Variants in ZNF609 observed in about 807,000 individuals in gnomAD.
ZNF609 encodes zinc finger protein 609.
In ZNF609, 11 loss-of-function variants were observed where a neutral mutation model predicts 109.5. The ratio of observed to expected loss-of-function variants is 0.10; its 90% CI spans 0.06 to 0.17. ZNF609 has a LOEUF of 0.17. Among genes scored for constraint, ZNF609 ranks in the 10% least tolerant of loss-of-function variants. The pLI is 1.00. For synonymous variants in ZNF609, 646 were observed against 662.0 expected (o/e 0.98, Z 0.37); for missense variants, 1,559 against 1,772.4 (o/e 0.88, Z 2.16).
chr15:64,507,031 T>C (rs1025011848), intron 2 of ZNF609, among the ~76,000 whole-genome samples: 6 of 152,084 alleles, frequency 3.9e-5, no homozygotes, highest in Admixed American at 3.3e-4. Context: ...ATAATTATAG[T>C]TGGAGGTGGG....
chr15:64,676,728 C>G (rs892298125), intron 5 of ZNF609, among the ~76,000 whole-genome samples: 13 of 151,736 alleles, frequency 8.6e-5, no homozygotes, highest in African/African-American at 3.1e-4. Context: ...GCCACTGCAC[C>G]CAGCCAATTT....
chr15:64,472,237 T>TA (rs1328558361), intron 1 of ZNF609, among the ~76,000 whole-genome samples: 1 of 152,116 alleles, frequency 6.6e-6, no homozygotes, highest in Non-Finnish European at 1.5e-5. Context: ...ATAGATGGTT[T>TA]AAAAAAAGTG....
intron 2 of ZNF609, among the ~76,000 whole-genome samples, chr15:64,573,912 G>C (rs1894904497): frequency 6.6e-6 from 1 of 152,158 alleles, no homozygotes. Flanking sequence ...TCAGGTCCTT[G>C]TGATTGAGTG....
At chr15:64,679,693 C>G (rs1239411007) in intron 6 of ZNF609, among the ~76,000 whole-genome samples, 1 of 152,232 alleles carries the variant, frequency 6.6e-6, no homozygotes. Context: ...GAGCCAGGCG[C>G]TGTCCTCTGA....
At chr15:64,539,432 CTCCTGACCGCG>C (rs2140379041) in intron 2 of ZNF609, among the ~76,000 whole-genome samples, 1 of 152,048 alleles carries the variant, frequency 6.6e-6, no homozygotes, top group Non-Finnish European at 1.5e-5. Flanking sequence ...TGGTCTCGAT[CTCCTGACCGCG>C]TGATCCACCC....
intron 2 of ZNF609, among the ~76,000 whole-genome samples, chr15:64,608,323 C>T (rs1895646454): frequency 6.6e-6 from 1 of 152,228 alleles, no homozygotes; most frequent in South Asian, 2.1e-4. Context: ...ATTTGTAATA[C>T]AGTACTCTCA....
At chr15:64,488,876 C>A (rs1893368693) in intron 1 of ZNF609, among the ~76,000 whole-genome samples, 1 of 149,760 alleles carries the variant, frequency 6.7e-6, no homozygotes, top group African/African-American at 2.5e-5. Flanking sequence ...AGTTTGAGAC[C>A]AGTCTGGGTG....
At chr15:64,615,907 T>G (rs1018794884) in intron 2 of ZNF609, among the ~76,000 whole-genome samples, 1 of 152,256 alleles carries the variant, frequency 6.6e-6, no homozygotes, top group Non-Finnish European at 1.5e-5. Context: ...TTAGAACTAC[T>G]GCTGTTATCA....
chr15:64,482,231 T>C (rs1893264721), intron 1 of ZNF609, among the ~76,000 whole-genome samples: 1 of 152,224 alleles, frequency 6.6e-6, no homozygotes, highest in Non-Finnish European at 1.5e-5. Context: ...AAGTTTCTAG[T>C]ACAAATGATG....
intron 2 of ZNF609, among the ~76,000 whole-genome samples, chr15:64,509,689 C>T (rs1261139540): frequency 6.6e-6 from 1 of 152,206 alleles, no homozygotes; most frequent in African/African-American, 2.4e-5. Flanking sequence ...TGGCAGAGGG[C>T]TGATCTCAGG....
At chr15:64,645,613 A>G (rs1055323338) in intron 3 of ZNF609, among the ~76,000 whole-genome samples, 3 of 152,206 alleles carry the variant, frequency 2.0e-5, no homozygotes, top group Non-Finnish European at 4.4e-5. Context: ...AGAATGAGAG[A>G]AAATATTTGC....
At chr15:64,618,045 C>T (rs1895826004) in intron 2 of ZNF609, among the ~76,000 whole-genome samples, 1 of 152,168 alleles carries the variant, frequency 6.6e-6, no homozygotes, top group South Asian at 2.1e-4. Flanking sequence ...CTTATTTTCC[C>T]TCTTGGCCCC....
At chr15:64,461,197 G>A (rs1257885910) in intron 1 of ZNF609, among the ~76,000 whole-genome samples, 2 of 135,130 alleles carry the variant, frequency 1.5e-5, no homozygotes, top group East Asian at 2.4e-4. Flanking sequence ...GGCGACTGGG[G>A]CCAGTCAGGG....
At chr15:64,556,472 C>CATAT (rs113452566) in intron 2 of ZNF609, among the ~76,000 whole-genome samples, 2 of 151,790 alleles carry the variant, frequency 1.3e-5, no homozygotes, top group African/African-American at 2.4e-5. Context: ...CTAAATGCTT[C>CATAT]ATATATATAT....
intron 2 of ZNF609, among the ~76,000 whole-genome samples, chr15:64,582,839 C>A (rs1895132666): frequency 6.7e-6 from 1 of 149,756 alleles, no homozygotes; most frequent in Admixed American, 6.7e-5. Flanking sequence ...GCAACCTCCG[C>A]CTCCCAGGTT....
chr15:64,588,425 C>CAAAAAAAAAA (rs1895235303), intron 2 of ZNF609, among the ~76,000 whole-genome samples: 2 of 520 alleles, frequency 3.8e-3, no homozygotes, highest in South Asian at 0.17. Flanking sequence ...GACACTCTGT[C>CAAAAAAAAAA]TAAAAAAAAA....
chr15:64,580,581 C>T (rs971057225), intron 2 of ZNF609, among the ~76,000 whole-genome samples: 17 of 144,896 alleles, frequency 1.2e-4, no homozygotes, highest in African/African-American at 3.0e-4. Flanking sequence ...GACAGAGTCT[C>T]GTTCTGTCGC....
intron 2 of ZNF609, among the ~76,000 whole-genome samples, chr15:64,539,647 G>A (rs1894215966): frequency 6.6e-6 from 1 of 152,180 alleles, no homozygotes; most frequent in Non-Finnish European, 1.5e-5. Context: ...GGGATTACAG[G>A]CGCCTGCCAC....
chr15:64,622,058 TCAA>T (rs1752349120), intron 2 of ZNF609, among the ~76,000 whole-genome samples: 1 of 152,156 alleles, frequency 6.6e-6, no homozygotes, highest in Non-Finnish European at 1.5e-5. Context: ...GTGTACATAA[TCAA>T]CAACATCTTC....
Sources: allele counts gnomAD v4.1 joint callset (sites outside exome capture counted in the v4.1 genomes callset), GRCh38; gene constraint gnomAD v4.1.1; transcripts MANE v1.5; gene names NCBI Gene and HGNC (gene_info 2026-07-23, HGNC 2026-07-21).